The following ACOT11 variants were observed in gnomAD, a reference collection of about 807,000 sequenced individuals.
ACOT11 encodes the protein acyl-CoA thioesterase 11, also known as acyl-coenzyme A thioesterase 11.
A neutral mutation model predicts 77.5 loss-of-function variants in ACOT11; 69 were observed. That is an observed-to-expected ratio of 0.89 (90% CI 0.73 to 1.09). The LOEUF is 1.09. ACOT11 is among the 50% of genes least tolerant of loss of function. ACOT11 has a pLI of 0.00. For synonymous variants in ACOT11, 279 were observed against 313.0 expected (o/e 0.89, Z 1.15); for missense variants, 766 against 813.7 (o/e 0.94, Z 0.71).
chr1:54,581,096 T>C (rs1357742572), intron 1 of ACOT11, among the ~76,000 whole-genome samples: 1 of 152,098 alleles, frequency 6.6e-6, no homozygotes, highest in East Asian at 1.9e-4. Flanking sequence ...GTCTATGTGC[T>C]CCTAAGGGGC....
intron 15 of ACOT11, chr1:54,619,775 A>C (rs1644210625): frequency 7.2e-7 from 1 of 1,381,876 alleles, no homozygotes. Flanking sequence ...TCATGCCACC[A>C]CAGTGACCAG....
chr1:54,571,071 C>CTCTCTCTCT (rs779276330), intron 1 of ACOT11, among the ~76,000 whole-genome samples: 3,699 of 141,768 alleles, frequency 0.026, 169 homozygotes, highest in African/African-American at 0.094. Flanking sequence ...TTCTCTCTCT[C>CTCTCTCTCT]TTTTTTTTTT....
chr1:54,579,657 C>G (rs115058053), intron 1 of ACOT11, among the ~76,000 whole-genome samples: 3 of 152,206 alleles, frequency 2.0e-5, no homozygotes, highest in Non-Finnish European at 4.4e-5. Flanking sequence ...TGGGGCCTGG[C>G]CCACAACTCT....
intron 15 of ACOT11, among the ~76,000 whole-genome samples, chr1:54,629,521 C>T (rs1032094222): frequency 1.5e-5 from 2 of 133,242 alleles, no homozygotes; most frequent in Admixed American, 7.7e-5. Flanking sequence ...CTCCTGACCT[C>T]GTGATACGCC....
intron 1 of ACOT11, among the ~76,000 whole-genome samples, chr1:54,576,827 G>T (rs547150568): frequency 2.0e-5 from 3 of 146,664 alleles, no homozygotes; most frequent in Admixed American, 6.6e-5. Context: ...GGGCCTCAGA[G>T]ACCTTGTTAA....
chr1:54,599,983 C>T (rs1283846135), intron 8 of ACOT11, among the ~76,000 whole-genome samples: 1 of 152,192 alleles, frequency 6.6e-6, no homozygotes, highest in Non-Finnish European at 1.5e-5. Flanking sequence ...CTCTTACTGG[C>T]TCTGTGACCT....
At chr1:54,553,448 A>G (rs899755324) in intron 1 of ACOT11, among the ~76,000 whole-genome samples, 2 of 151,556 alleles carry the variant, frequency 1.3e-5, no homozygotes, top group Non-Finnish European at 2.9e-5. Flanking sequence ...AGCCTGGGTG[A>G]CCGAACAAGA....
intron 3 of ACOT11, among the ~76,000 whole-genome samples, chr1:54,591,463 C>T (rs1296221701): frequency 2.6e-5 from 4 of 152,208 alleles, no homozygotes; most frequent in African/African-American, 4.8e-5. Flanking sequence ...GACCAGCAGG[C>T]CCCTTGGAAT....
rs1024035724 is a variant in ACOT11, at chr1:54,609,770, G to A, written c.*658G>A. 6.2e-7 allele frequency: 1 copy of A among 1,614,152 alleles called. No homozygotes were observed. The highest frequency in any genetic ancestry group is 1.7e-5 in the Admixed American group (1 of 60,038). On this transcript the variant is annotated 3_prime_UTR_variant, in exon 16 of 16. Coordinates refer to ENST00000343744, the MANE Select transcript of ACOT11 (RefSeq NM_147161.4). ...CAAGGCCAGGGATGGCCGGAGGGCT[G>A]CGGGCTCCGCTATTTGCAAATGGAT...
chr1:54,624,368 T>C (rs1187623286), intron 15 of ACOT11, among the ~76,000 whole-genome samples: 1 of 85,352 alleles, frequency 1.2e-5, no homozygotes, highest in Non-Finnish European at 2.3e-5. Context: ...GACTGAGGGG[T>C]GGAGGGGCAG....
chr1:54,592,672 C>T, intron 4 of ACOT11, 66 bp downstream of exon 4: 2 of 1,544,150 alleles, frequency 1.3e-6, no homozygotes, highest in Non-Finnish European at 1.8e-6. Context: ...TCTCTCCATT[C>T]TTCTCCCTGC....
intron 8 of ACOT11, 25 bp downstream of exon 8, chr1:54,599,440 C>T (rs1244613052): frequency 6.3e-7 from 1 of 1,585,022 alleles, no homozygotes; most frequent in Admixed American, 1.7e-5. Context: ...TGGGTGCGGC[C>T]ACGTCCATTC....
intron 13 of ACOT11, 122 bp downstream of exon 13, chr1:54,605,331 A>T: frequency 1.5e-4 from 198 of 1,363,326 alleles, no homozygotes; most frequent in Middle Eastern, 8.0e-4. Flanking sequence ...GGTGGGTTGG[A>T]GTTCCATGCT....
At chr1:54,577,349 T>C in intron 1 of ACOT11, among the ~76,000 whole-genome samples, 1 of 152,208 alleles carries the variant, frequency 6.6e-6, no homozygotes, top group East Asian at 1.9e-4. Flanking sequence ...GCTTTTTGTT[T>C]CTATAGATTT....
Position 54,607,406 on chromosome 1 carries a change from C to G in ACOT11, c.1502+141C>G. 1 of 1,199,034 alleles carries G rather than the reference C, an allele frequency of 8.3e-7. No homozygotes were observed. The highest frequency in any genetic ancestry group is 1.2e-6 in the Non-Finnish European group (1 of 852,758). 74.3% of individuals were successfully genotyped at this position (1,199,034 alleles called of 1,614,324 possible). ...CTGTGGGGCCCCAGGCACCACTAGA[C>G]TTTTCTGGGCTGCTGTGGCTTTACT... On this transcript the variant is annotated intron_variant, in intron 14 of 15. Coordinates refer to ENST00000343744, the MANE Select transcript of ACOT11 (RefSeq NM_147161.4). The surrounding 1 kb of genome is among the most constrained non-coding windows in gnomAD (Gnocchi z 4.5).
At chr1:54,562,633 G>T (rs1420695895) in intron 1 of ACOT11, among the ~76,000 whole-genome samples, 1 of 142,668 alleles carries the variant, frequency 7.0e-6, no homozygotes, top group Non-Finnish European at 1.6e-5. Flanking sequence ...GGGCGGAGGG[G>T]CTCCTCACTT....
chr1:54,569,227 G>A (rs182020722), intron 1 of ACOT11, among the ~76,000 whole-genome samples: 69 of 151,814 alleles, frequency 4.5e-4, no homozygotes, highest in Admixed American at 7.9e-4. Context: ...CTCCCAAAGT[G>A]CTGGGATTAC....
At chr1:54,626,290 G>GAGAAAAGAAA (rs202231257) in intron 15 of ACOT11, among the ~76,000 whole-genome samples, 2 of 151,732 alleles carry the variant, frequency 1.3e-5, no homozygotes, top group East Asian at 1.9e-4. Flanking sequence ...AAAGAAAAAA[G>GAGAAAAGAAA]AGAAAAGACA....
intron 1 of ACOT11, among the ~76,000 whole-genome samples, chr1:54,550,333 C>T (rs978874839): frequency 6.6e-6 from 1 of 152,194 alleles, no homozygotes; most frequent in African/African-American, 2.4e-5. Flanking sequence ...CTTGAGGACA[C>T]AGGTAGCCTC....
Sources: gnomAD v4.1 joint callset for allele counts (sites outside exome capture counted in the v4.1 genomes callset) on GRCh38, gnomAD v4.1.1 for gene constraint, Gnocchi (gnomAD v3.1) non-coding constraint, MANE v1.5 for transcripts, NCBI Gene and HGNC (gene_info 2026-07-23, HGNC 2026-07-21) for gene names.